SLITRK2: variants seen among roughly 807,000 people sequenced by gnomAD.
The protein encoded by SLITRK2 is SLIT and NTRK-like protein 2.
A neutral mutation model predicts 35.4 loss-of-function variants in SLITRK2; 13 were observed. That is an observed-to-expected ratio of 0.37 (90% confidence interval 0.24 to 0.58). The LOEUF is 0.58. Among genes scored for constraint, SLITRK2 ranks in the 20% least tolerant of loss-of-function variants. The pLI, the probability that SLITRK2 is intolerant of heterozygous loss-of-function variation, is 0.75. For missense variants in SLITRK2, 471 were observed against 634.3 expected (o/e 0.74, Z 2.76); for synonymous variants, 294 against 264.7 (o/e 1.11, Z -1.07).
At position 145,824,893 on chromosome X, in the gene SLITRK2, A is replaced by C. The variant is rs782627748; in HGVS notation, c.2468A>C (p.Gln823Pro). 1 of 1,211,573 alleles carries C rather than the reference A, an allele frequency of 8.3e-7. No homozygotes were observed. Among genetic ancestry groups the C allele is most frequent in the South Asian group, 1.8e-5 (1 of 56,923 alleles). ...TCAAAACCCAACCACCCTTTACTGC[A>C]AGCTAAGCCGCAATCAGAACCGGAC... ...GQSKPNHPLL[Q>P]AKPQSEPDYL... Residue 823 changes from glutamine to proline, a missense_variant, in exon 5 of 5, where the codon CAA becomes CCA. Gln to Pro is a moderately conservative substitution (Grantham distance 76). Around this residue, in one of 7 missense-constraint regions of SLITRK2, gnomAD observed 190 missense variants for 199.3 expected, o/e 0.95. Coordinates refer to ENST00000335565, the MANE Select transcript of SLITRK2 (RefSeq NM_032539.5).
At chrX:145,821,118 C>T (rs2073002354) in intron 2 of SLITRK2, 1 of 73,256 alleles carries the variant, frequency 1.4e-5, no homozygotes, top group Non-Finnish European at 2.6e-5. Context: ...CTCTCTCTCT[C>T]TCTCACTCAC....
rs781891605 is a variant in SLITRK2, at chrX:145,823,264, C to T, written c.839C>T (p.Thr280Ile). 1.7e-6 allele frequency: 2 copies of T among 1,211,727 alleles called. No individual in the cohort carries two copies. Among genetic ancestry groups the T allele is most frequent in the Non-Finnish European group, 2.2e-6 (2 of 895,516 alleles). ...DSSQRGSHAD[T>I]HVQRLSPTMN... is the part of the protein sequence containing the mutation. ...AGTCAGAGGGGCAGCCATGCTGACA[C>T]CCACGTCCAAAGGCTGTCACCTACA... The change falls in exon 5 of 5, where the codon ACC (threonine) becomes ATC (isoleucine). Residue 280 changes from threonine (T) to isoleucine (I), a missense_variant. By Grantham distance (89) the Thr-to-Ile change is moderately conservative. Coordinates refer to ENST00000335565, the MANE Select transcript of SLITRK2 (RefSeq NM_032539.5).
chrX:145,822,853 A>G lies in SLITRK2; in HGVS notation c.428A>G (p.Tyr143Cys). The part of the protein sequence containing the change: ...LESLEYLQAD[Y>C]NYISAIEAGA... The stretch of plus-strand genomic sequence containing the variant: ...AGCCTGGAGTATCTCCAGGCCGACT[A>G]CAATTACATCAGTGCCATCGAGGCT... The change falls in exon 5 of 5, where the codon TAC becomes TGC. Residue 143 changes from tyrosine to cysteine, a missense_variant. Physicochemically the swap from Tyr to Cys is radical, Grantham distance 194. Transcript: ENST00000335565. 1 of 1,210,884 alleles carries G rather than the reference A, an allele frequency of 8.3e-7. No individual in the cohort carries two copies. Among genetic ancestry groups the G allele is most frequent in the Non-Finnish European group, 1.1e-6 (1 of 895,113 alleles).
rs1400345573 is a variant in SLITRK2, at chrX:145,823,526, C to T, written c.1101C>T (p.Ile367=). 24 of 1,211,764 alleles carry T rather than the reference C, an allele frequency of 2.0e-5. No homozygotes were observed. The highest frequency in any genetic ancestry group is 5.9e-5 in the East Asian group (2 of 33,833). ...GCCAAGAAAGGAAGTTCACTAATAT[C>T]TCTGACCTGCAGCCCAAACCGACCA... is the stretch of plus-strand genomic sequence containing the variant. ...VNCQERKFTN[I]SDLQPKPTSP... The change falls in exon 5 of 5, where the codon ATC becomes ATT. Residue 367 remains isoleucine (I), a synonymous_variant. Transcript: ENST00000335565.
chrX:145,822,262 G>A, intron 4 of SLITRK2, 109 bp downstream of exon 4: 3 of 444,380 alleles, frequency 6.8e-6, no homozygotes, highest in Non-Finnish European at 1.2e-5. Context: ...TCATTCTGCC[G>A]TGTTGCTAAC....
intron 1 of SLITRK2, 155 bp from the exon 2 acceptor site, chrX:145,820,319 G>C (rs1226509732): frequency 1.8e-5 from 2 of 112,263 alleles, no homozygotes; most frequent in Non-Finnish European, 3.8e-5. Context: ...AGACTCTTGG[G>C]TCCAAGGAGC....
chrX:145,820,424 G>A (rs2072980350), intron 1 of SLITRK2, 50 bp from the exon 2 acceptor site: 1 of 112,549 alleles, frequency 8.9e-6, no homozygotes, highest in Admixed American at 9.4e-5. Context: ...ACCCGCATTG[G>A]ATATCAGAGC....
At position 145,822,848 on chromosome X, in the gene SLITRK2, C is replaced by T. The variant is rs782218288; in HGVS notation, c.423C>T (p.Ala141=). ...TGGAGAGCCTGGAGTATCTCCAGGCCGACTACAATTACATCAGTGCCATCG... is the reference window on the plus strand; with the variant it reads ...TGGAGAGCCTGGAGTATCTCCAGGCTGACTACAATTACATCAGTGCCATCG... ...LGLESLEYLQ[A]DYNYISAIEA... Residue 141 remains alanine, a synonymous_variant, in exon 5 of 5, where the codon GCC becomes GCT. Transcript: ENST00000335565. The T allele has an allele frequency of 5.0e-6, 6 of 1,207,812 alleles. No individual in the cohort carries two copies. The highest frequency in any genetic ancestry group is 3.5e-5 in the African/African-American group (2 of 56,594).
chrX:145,829,728 A>G lies in SLITRK2; in HGVS notation c.*4765A>G, dbSNP rs1257018381. 1 of 123,900 alleles carries G rather than the reference A, an allele frequency of 8.1e-6. No individual in the cohort carries two copies. Among genetic ancestry groups the G allele is most frequent in the African/African-American group, 3.2e-5 (1 of 30,951 alleles). The allele number at this position is 123,900 out of a possible 1,213,427, so 10.2% of individuals were successfully genotyped here. ...TTTTTTAGCAGTACTTTAGCTTGAA[A>G]GTACTCGTACAAATACTGTTAGATT... On this transcript the variant is annotated 3_prime_UTR_variant, in exon 5 of 5. Transcript: ENST00000335565.
chrX:145,821,131 A>ACACACACACT (rs2073006743), intron 2 of SLITRK2: 1 of 105,457 alleles, frequency 9.5e-6, no homozygotes, highest in African/African-American at 3.5e-5. Context: ...TCACTCACAC[A>ACACACACACT]CACACACACA....
Position 145,824,553 on chromosome X carries a change from G to A in SLITRK2, c.2128G>A (p.Ala710Thr), listed in dbSNP as rs782641708. The A allele has an allele frequency of 9.1e-6, 11 of 1,210,381 alleles. No homozygotes were observed. In the South Asian group the frequency reaches 1.6e-4, roughly 17 times the overall value. The change falls in exon 5 of 5, where the codon GCC becomes ACC. Residue 710 changes from alanine (A) to threonine (T), a missense_variant. Physicochemically the swap from Ala to Thr is moderately conservative, Grantham distance 58 (BLOSUM62 0). Coordinates refer to ENST00000335565, the MANE Select transcript of SLITRK2 (RefSeq NM_032539.5). ...CATGCAGAAGGAAGGAGACCCAGTAGCCTATTACCGAAACCTGCAAGAGTT... is the reference window on the plus strand; with the variant it reads ...CATGCAGAAGGAAGGAGACCCAGTAACCTATTACCGAAACCTGCAAGAGTT... ...IYMQKEGDPV[A>T]YYRNLQEFSY... is the part of the protein sequence containing the mutation.
rs2124207250 is a variant in SLITRK2, at chrX:145,824,607, G to A, written c.2182G>A (p.Glu728Lys). The change falls in exon 5 of 5, where the codon GAA (glutamate) becomes AAA (lysine). Residue 728 changes from glutamate to lysine, a missense_variant. Coordinates refer to ENST00000335565, the MANE Select transcript of SLITRK2 (RefSeq NM_032539.5). ...CTATAGCAACCTGGAGGAGAAAAAA[G>A]AAGAGCCAGCCACACCTGCTTACAC... ...FSYSNLEEKK[E>K]EPATPAYTIS... 1 of 1,210,717 alleles carries A rather than the reference G, an allele frequency of 8.3e-7. No homozygotes were observed. Among genetic ancestry groups the A allele is most frequent in the Non-Finnish European group, 1.1e-6 (1 of 895,385 alleles).
rs1204659133 is a variant in SLITRK2 at position 145,828,112 on chromosome X, C to T, written c.*3149C>T. 1.3e-5 allele frequency: 10 copies of T among 793,308 alleles called. No individual in the cohort carries two copies. Among genetic ancestry groups the T allele is most frequent in the Non-Finnish European group, 1.8e-5 (10 of 569,789 alleles). 65.4% of individuals were successfully genotyped at this position (793,308 alleles called of 1,213,427 possible). A position where few individuals can be genotyped will look rare whatever the true frequency, so the allele number is the denominator to read the frequency against. On this transcript the variant is annotated 3_prime_UTR_variant, in exon 5 of 5. Transcript: ENST00000335565. Reference sequence around the variant, plus strand: ...TTTTTATTGAAACACTCAAAAATACCACTTCTCAGTATGAACACAATTGCT... The same window carrying T: ...TTTTTATTGAAACACTCAAAAATACTACTTCTCAGTATGAACACAATTGCT...
At position 145,828,210 on chromosome X, in the gene SLITRK2, A is replaced by C; in HGVS notation, c.*3247A>C. On this transcript the variant is annotated 3_prime_UTR_variant, in exon 5 of 5. Transcript: ENST00000335565. ...AGTTCTCTCCAGCAGCTGGTGAGTAAGGAAATGACCCTTCAATTTCCTCTT... is the reference window on the plus strand; with the variant it reads ...AGTTCTCTCCAGCAGCTGGTGAGTACGGAAATGACCCTTCAATTTCCTCTT... The C allele has an allele frequency of 5.6e-6, 2 of 354,344 alleles. No homozygotes were observed. The highest frequency in any genetic ancestry group is 9.9e-6 in the Non-Finnish European group (2 of 202,285). 29.2% of individuals were successfully genotyped at this position (354,344 alleles called of 1,213,427 possible). A position where few individuals can be genotyped will look rare whatever the true frequency, so the allele number is the denominator to read the frequency against.
chrX:145,818,646 T>G (rs954926921), intron 1 of SLITRK2: 2 of 112,534 alleles, frequency 1.8e-5, no homozygotes, highest in Non-Finnish European at 3.8e-5. Context: ...GGGACGGAGG[T>G]GGGCTGTAAG....
Position 145,824,910 on chromosome X carries a change from G to C in SLITRK2, c.2485G>C (p.Glu829Gln), listed in dbSNP as rs2124216662. 2 of 1,209,739 alleles carry C rather than the reference G, an allele frequency of 1.7e-6. No individual in the cohort carries two copies. The highest frequency in any genetic ancestry group is 2.2e-6 in the Non-Finnish European group (2 of 895,049). ...TTTACTGCAAGCTAAGCCGCAATCAGAACCGGACTACCTCGAAGTTCTGGA... is the reference window on the plus strand; with the variant it reads ...TTTACTGCAAGCTAAGCCGCAATCACAACCGGACTACCTCGAAGTTCTGGA... ...HPLLQAKPQS[E>Q]PDYLEVLEKQ... The change falls in exon 5 of 5, where the codon GAA (glutamate) becomes CAA (glutamine). Residue 829 changes from glutamate (E) to glutamine (Q), a missense_variant. Physicochemically the swap from Glu to Gln is conservative, Grantham distance 29 (BLOSUM62 2). Transcript: ENST00000335565.
chrX:145,824,970 A>G lies in SLITRK2; in HGVS notation c.*7A>G. On this transcript the variant is annotated 3_prime_UTR_variant, in exon 5 of 5. Transcript: ENST00000335565. ...TGCAATCAGTCAGCTGTGAAGGGAAATCATTTACAACCCTAAGGCATCAGA... is the reference window on the plus strand; with the variant it reads ...TGCAATCAGTCAGCTGTGAAGGGAAGTCATTTACAACCCTAAGGCATCAGA... 8.3e-7 allele frequency: 1 copy of G among 1,201,788 alleles called. No individual in the cohort carries two copies. The highest frequency in any genetic ancestry group is 1.1e-6 in the Non-Finnish European group (1 of 891,191).
chrX:145,828,151 G>A lies in SLITRK2; in HGVS notation c.*3188G>A. Reference sequence around the variant, plus strand: ...AACACAATTGCTAAGAGCCTAATTTGGTTCTGGACTATGGTCAACCTGTGT... The same window carrying A: ...AACACAATTGCTAAGAGCCTAATTTAGTTCTGGACTATGGTCAACCTGTGT... On this transcript the variant is annotated 3_prime_UTR_variant, in exon 5 of 5. Coordinates refer to ENST00000335565, the MANE Select transcript of SLITRK2 (RefSeq NM_032539.5). 1 of 563,713 alleles carries A rather than the reference G, an allele frequency of 1.8e-6. No homozygotes were observed. The highest frequency in any genetic ancestry group is 2.7e-6 in the Non-Finnish European group (1 of 370,813). The allele number at this position is 563,713 out of a possible 1,213,427, so 46.5% of individuals were successfully genotyped here.
rs782232926 is a variant in SLITRK2 at position 145,829,313 on chromosome X, T to C, written c.*4350T>C. On this transcript the variant is annotated 3_prime_UTR_variant, in exon 5 of 5. Transcript: ENST00000335565. ...TATAATACAAATAACCATTCTCTGA[T>C]TTATCTCTTTTGTATGTTTGGATTT... The C allele has an allele frequency of 1.6e-5, 2 of 123,782 alleles. No homozygotes were observed. Among genetic ancestry groups the C allele is most frequent in the East Asian group, 5.6e-4 (2 of 3,580 alleles). The allele number at this position is 123,782 out of a possible 1,213,427, so 10.2% of individuals were successfully genotyped here. A position where few individuals can be genotyped will look rare whatever the true frequency, so the allele number is the denominator to read the frequency against.
Sources: gnomAD v4.1 joint callset for allele counts on GRCh38, gnomAD v4.1.1 for gene constraint, gnomAD v4.1.1 regional missense constraint, MANE v1.5 for transcripts, NCBI Gene and HGNC (gene_info 2026-07-23, HGNC 2026-07-21) for gene names.